Variants in PDLIM5 observed in about 807,000 individuals in gnomAD.
The protein encoded by PDLIM5 is PDZ and LIM domain 5.
PDLIM5 carries 34 observed loss-of-function variants against 64.2 expected under a neutral mutation model. That is an observed-to-expected ratio of 0.53 (90% CI 0.40 to 0.71). The LOEUF (loss-of-function observed/expected upper bound fraction) is 0.71. PDLIM5 is among the 30% of genes least tolerant of loss of function. The pLI is 0.00. For missense variants in PDLIM5, 683 were observed against 733.6 expected, an observed-to-expected ratio of 0.93 and a Z score of 0.80; for synonymous variants, 253 against 269.1, an observed-to-expected ratio of 0.94 and a Z score of 0.59.
chr4:94,663,776 A>C (rs1355365074), intron 12 of PDLIM5, among the ~76,000 whole-genome samples: 2 of 152,198 alleles, frequency 1.3e-5, no homozygotes, highest in Non-Finnish European at 2.9e-5. Flanking sequence ...TCTAGGAAAA[A>C]GCAATTTTTC....
At chr4:94,506,807 T>G in intron 2 of PDLIM5, among the ~76,000 whole-genome samples, 1 of 152,222 alleles carries the variant, frequency 6.6e-6, no homozygotes, top group South Asian at 2.1e-4. Flanking sequence ...GACATTTGAG[T>G]CAGTGGACTT....
chr4:94,453,456 G>A (rs901937201), intron 1 of PDLIM5, among the ~76,000 whole-genome samples: 8 of 152,160 alleles, frequency 5.3e-5, no homozygotes, highest in Admixed American at 2.6e-4. Context: ...AATGAGAGAA[G>A]TTAGGAAGGG....
chr4:94,568,781 A>G (rs1734556998), intron 3 of PDLIM5, among the ~76,000 whole-genome samples: 1 of 152,226 alleles, frequency 6.6e-6, no homozygotes, highest in Non-Finnish European at 1.5e-5. Flanking sequence ...CAAATAAATT[A>G]TAGGATATAT....
At chr4:94,528,916 A>T (rs1449925342) in intron 3 of PDLIM5, among the ~76,000 whole-genome samples, 1 of 152,176 alleles carries the variant, frequency 6.6e-6, no homozygotes, top group East Asian at 1.9e-4. Context: ...TTTCCCAGGG[A>T]ATTGCATGAG....
At chr4:94,604,409 G>A (rs1258229234) in intron 7 of PDLIM5, among the ~76,000 whole-genome samples, 4 of 152,124 alleles carry the variant, frequency 2.6e-5, no homozygotes, top group African/African-American at 4.8e-5. Flanking sequence ...CAAGGCAGGC[G>A]GATCACTGGA....
At chr4:94,537,359 T>C (rs1298199680) in intron 3 of PDLIM5, among the ~76,000 whole-genome samples, 1 of 152,194 alleles carries the variant, frequency 6.6e-6, no homozygotes, top group African/African-American at 2.4e-5. Flanking sequence ...TTTGAAATAA[T>C]AGGTTATTTA....
At chr4:94,614,779 C>A (rs1358417488) in intron 7 of PDLIM5, among the ~76,000 whole-genome samples, 1 of 152,118 alleles carries the variant, frequency 6.6e-6, no homozygotes, top group Non-Finnish European at 1.5e-5. Flanking sequence ...AAGGTACAAT[C>A]AAAAATTGAA....
At chr4:94,599,453 G>C (rs1665318684) in intron 7 of PDLIM5, among the ~76,000 whole-genome samples, 1 of 152,064 alleles carries the variant, frequency 6.6e-6, no homozygotes, top group Non-Finnish European at 1.5e-5. Context: ...ATAGAATCGA[G>C]GGATAGCAGA....
chr4:94,541,823 T>A (rs1185057262), intron 3 of PDLIM5, among the ~76,000 whole-genome samples: 1 of 152,152 alleles, frequency 6.6e-6, no homozygotes, highest in Non-Finnish European at 1.5e-5. Flanking sequence ...TTGATCTACA[T>A]TAGGTCACAT....
At chr4:94,652,530 T>C (rs1454432232) in intron 9 of PDLIM5, among the ~76,000 whole-genome samples, 1 of 152,190 alleles carries the variant, frequency 6.6e-6, no homozygotes, top group Admixed American at 6.5e-5. Context: ...TTGCCAAACA[T>C]ACACTGAGAA....
chr4:94,475,472 A>G (rs1010172172), intron 2 of PDLIM5, among the ~76,000 whole-genome samples: 12 of 152,324 alleles, frequency 7.9e-5, no homozygotes, highest in African/African-American at 2.2e-4. Context: ...TTCATGGTCA[A>G]TGTGCCCTTC....
chr4:94,570,302 A>C (rs777717863), intron 3 of PDLIM5, among the ~76,000 whole-genome samples: 5 of 152,152 alleles, frequency 3.3e-5, no homozygotes, highest in Non-Finnish European at 7.4e-5. Context: ...TTGACTCTTC[A>C]AAAAGCCTGA....
chr4:94,568,559 T>C (rs1470457154), intron 3 of PDLIM5, among the ~76,000 whole-genome samples: 1 of 152,142 alleles, frequency 6.6e-6, no homozygotes, highest in Non-Finnish European at 1.5e-5. Flanking sequence ...AAATACTATT[T>C]AGAAAAATGG....
At chr4:94,641,876 G>A (rs1055125804) in intron 9 of PDLIM5, among the ~76,000 whole-genome samples, 5 of 152,164 alleles carry the variant, frequency 3.3e-5, no homozygotes, top group South Asian at 2.1e-4. Flanking sequence ...TAACTGCATA[G>A]ATCATGCATG....
chr4:94,595,360 A>G (rs1736987648), intron 7 of PDLIM5, among the ~76,000 whole-genome samples: 1 of 152,228 alleles, frequency 6.6e-6, no homozygotes, highest in Non-Finnish European at 1.5e-5. Flanking sequence ...TAGAAAAACA[A>G]TTCAAACTCA....
chr4:94,466,110 G>A (rs954372506), intron 2 of PDLIM5, among the ~76,000 whole-genome samples: 1 of 152,080 alleles, frequency 6.6e-6, no homozygotes, highest in African/African-American at 2.4e-5. Context: ...TGGGACTGCA[G>A]GTGCATGCCA....
intron 8 of PDLIM5, among the ~76,000 whole-genome samples, chr4:94,626,767 G>A (rs2110421983): frequency 1.3e-5 from 2 of 151,730 alleles, no homozygotes; most frequent in East Asian, 3.9e-4. Flanking sequence ...GCTTTGGAGA[G>A]ATCTGATATG....
intron 3 of PDLIM5, among the ~76,000 whole-genome samples, chr4:94,569,237 CT>C (rs1734593127): frequency 6.6e-6 from 1 of 152,166 alleles, no homozygotes; most frequent in African/African-American, 2.4e-5. Flanking sequence ...AGAGCAAGGT[CT>C]TTGGAGAACA....
chr4:94,612,307 CA>C, intron 7 of PDLIM5, among the ~76,000 whole-genome samples: 1 of 152,198 alleles, frequency 6.6e-6, no homozygotes, highest in Middle Eastern at 3.4e-3. Flanking sequence ...GGTGTTTAAA[CA>C]AGGGAGAAAG....
Sources: allele counts gnomAD v4.1 joint callset (sites outside exome capture counted in the v4.1 genomes callset), GRCh38; gene constraint gnomAD v4.1.1; transcripts MANE v1.5; gene names NCBI Gene and HGNC (gene_info 2026-07-23, HGNC 2026-07-21).